NT5C3A: variants seen among roughly 807,000 people sequenced by gnomAD.
NT5C3A encodes cytosolic 5'-nucleotidase 3A.
NT5C3A carries 23 observed loss-of-function variants against 40.0 expected under a neutral mutation model. The ratio of observed to expected loss-of-function variants is 0.58; its 90% CI spans 0.41 to 0.81. The LOEUF (loss-of-function observed/expected upper bound fraction) is 0.81. NT5C3A is among the 40% of genes least tolerant of loss of function. NT5C3A has a pLI of 0.00. For synonymous variants in NT5C3A, 130 were observed against 141.4 expected, an observed-to-expected ratio of 0.92 and a Z score of 0.57; for missense variants, 328 against 403.0, an observed-to-expected ratio of 0.81 and a Z score of 1.59.
intron 1 of NT5C3A, chr7:33,038,921 T>A: frequency 2.2e-6 from 1 of 456,106 alleles, no homozygotes; most frequent in Non-Finnish European, 4.4e-6. Flanking sequence ...CTGCCCTTGA[T>A]CTACGAACTC....
At chr7:33,024,193 G>A in intron 2 of NT5C3A, 85 bp from the exon 3 acceptor site, 3 of 761,708 alleles carry the variant, frequency 3.9e-6, no homozygotes, top group Admixed American at 2.0e-5. Flanking sequence ...CATACTTCAT[G>A]CTTTCCTAGA....
chr7:33,048,691 A>G (rs1366958325), intron 1 of NT5C3A, among the ~76,000 whole-genome samples: 2 of 152,230 alleles, frequency 1.3e-5, no homozygotes, highest in African/African-American at 4.8e-5. Flanking sequence ...GGTCACTTTA[A>G]TCATCTCCAA....
chr7:33,048,205 T>A lies in NT5C3A; in HGVS notation c.138+14363A>T, dbSNP rs184323768. ...GTGTGTGTGTGTGTGTGTGGTTTTT[T>A]TTTGATGTATTTGATTTTTAGTAGA... On this transcript the variant is annotated intron_variant, in intron 1 of 8. Transcript: ENST00000610140. 3.0e-3 allele frequency among the ~76,000 whole-genome samples: 460 copies of A among 151,986 alleles called. 2 individuals are homozygous for A. Among genetic ancestry groups the A allele is most frequent in the African/African-American group, 0.011 (450 of 41,480 alleles).
chr7:33,040,897 C>T, intron 1 of NT5C3A: 2 of 985,388 alleles, frequency 2.0e-6, no homozygotes, highest in South Asian at 9.4e-5. Context: ...ACGAGCTACA[C>T]CAGCAAAAGA....
chr7:33,045,592 T>C (rs1360294960), intron 1 of NT5C3A, among the ~76,000 whole-genome samples: 3 of 151,956 alleles, frequency 2.0e-5, no homozygotes, highest in African/African-American at 7.3e-5. Flanking sequence ...CCCGAGTAGC[T>C]GGGACTACAG....
rs542869142 is a variant in NT5C3A at position 33,062,354 on chromosome 7, C to A, written c.138+214G>T. Among the ~76,000 whole-genome samples the A allele has an allele frequency of 4.6e-3, 701 of 152,334 alleles. 24 individuals are homozygous for A. Among genetic ancestry groups the A allele is most frequent in the Non-Finnish European group, 1.2e-3 (85 of 68,032 alleles). On this transcript the variant is annotated intron_variant, in intron 1 of 8. Coordinates refer to ENST00000610140, the MANE Select transcript of NT5C3A (RefSeq NM_001002010.5). ...GGCAGCCAAGGGCCGCAGCCGGGGA[C>A]CCAACCCTGGTCACCAAGCCCGCGG... is the stretch of plus-strand genomic sequence containing the variant.
chr7:33,048,923 A>G (rs934500041), intron 1 of NT5C3A, among the ~76,000 whole-genome samples: 6 of 152,148 alleles, frequency 3.9e-5, no homozygotes, highest in Admixed American at 2.0e-4. Flanking sequence ...AATGCATTAC[A>G]TAATTAAATC....
intron 1 of NT5C3A, chr7:33,040,783 G>T: frequency 1.6e-6 from 1 of 613,856 alleles, no homozygotes; most frequent in Non-Finnish European, 2.0e-6. Context: ...ATTTCAAAAT[G>T]CCCAAAATTT....
rs984317292 is a variant in NT5C3A at position 33,060,021 on chromosome 7, G to A, written c.138+2547C>T. On this transcript the variant is annotated intron_variant, in intron 1 of 8. Transcript: ENST00000610140. ...AGCTTGAGTGCAATGGTGTGATCAC[G>A]ACTCACTGCAGCCTCGACCACCTTG... Among the ~76,000 whole-genome samples the A allele has an allele frequency of 3.3e-5, 5 of 152,242 alleles. 1 individual carries two copies. The Middle Eastern group carries it at 0.01, about 311-fold the overall frequency.
chr7:33,057,314 C>G (rs958552273), intron 1 of NT5C3A, among the ~76,000 whole-genome samples: 9 of 152,056 alleles, frequency 5.9e-5, no homozygotes, highest in African/African-American at 2.2e-4. Flanking sequence ...TTGAGCCCAG[C>G]AATCTGAGAA....
chr7:33,037,724 A>C (rs1348785113), intron 1 of NT5C3A, among the ~76,000 whole-genome samples: 1 of 152,168 alleles, frequency 6.6e-6, no homozygotes, highest in Non-Finnish European at 1.5e-5. Flanking sequence ...TAAGATGATA[A>C]CTTGCAATTT....
At chr7:33,043,626 G>A (rs1174894532) in intron 1 of NT5C3A, among the ~76,000 whole-genome samples, 1 of 152,192 alleles carries the variant, frequency 6.6e-6, no homozygotes, top group Non-Finnish European at 1.5e-5. Context: ...TGGTCTCTAA[G>A]GGTAGGTGGT....
chr7:33,021,778 A>G (rs1785641569), intron 4 of NT5C3A: 1 of 461,076 alleles, frequency 2.2e-6, no homozygotes, highest in Admixed American at 4.0e-5. Context: ...TTAAATCTCC[A>G]GTTAACGTTA....
At chr7:33,027,540 A>G (rs1786010509) in intron 1 of NT5C3A, among the ~76,000 whole-genome samples, 1 of 152,226 alleles carries the variant, frequency 6.6e-6, no homozygotes, top group South Asian at 2.1e-4. Context: ...TAAAAATATA[A>G]AAAAGACAAT....
intron 1 of NT5C3A, among the ~76,000 whole-genome samples, chr7:33,053,835 T>G (rs1449269716): frequency 6.6e-6 from 1 of 152,064 alleles, no homozygotes; most frequent in Non-Finnish European, 1.5e-5. Context: ...AAGCTAAAAC[T>G]GTTTCAGGAA....
chr7:33,056,670 C>T (rs912799020), intron 1 of NT5C3A, among the ~76,000 whole-genome samples: 1 of 151,630 alleles, frequency 6.6e-6, no homozygotes, highest in Non-Finnish European at 1.5e-5. Flanking sequence ...GACCTAGTCT[C>T]AAAAATAAAA....
intron 6 of NT5C3A, among the ~76,000 whole-genome samples, chr7:33,018,030 A>T (rs1785436888): frequency 6.6e-6 from 1 of 152,176 alleles, no homozygotes; most frequent in Non-Finnish European, 1.5e-5. Flanking sequence ...GAAATTTAAA[A>T]AGAGAAAACA....
chr7:33,060,828 C>T (rs1787746845), intron 1 of NT5C3A, among the ~76,000 whole-genome samples: 1 of 152,134 alleles, frequency 6.6e-6, no homozygotes, highest in Non-Finnish European at 1.5e-5. Flanking sequence ...ATACTTCTTC[C>T]ACTTGAAGAA....
chr7:33,018,394 C>G (rs765315881), intron 6 of NT5C3A, among the ~76,000 whole-genome samples: 15 of 152,202 alleles, frequency 9.9e-5, no homozygotes, highest in Non-Finnish European at 1.9e-4. Context: ...ATGTTGCCTA[C>G]TAAGGAATGA....
Sources: allele counts gnomAD v4.1 joint callset (sites outside exome capture counted in the v4.1 genomes callset), GRCh38; gene constraint gnomAD v4.1.1; transcripts MANE v1.5; gene names NCBI Gene and HGNC (gene_info 2026-07-23, HGNC 2026-07-21).